KIR3DL1: variants seen among roughly 807,000 people sequenced by gnomAD.
The protein encoded by KIR3DL1 is killer cell immunoglobulin like receptor, three Ig domains and long cytoplasmic tail 1, also known as killer cell immunoglobulin-like receptor 3DL1.
KIR3DL1 carries 50 observed loss-of-function variants against 40.3 expected under a neutral mutation model. The observed-to-expected ratio is 1.24, with a 90% confidence interval of 0.99 to 1.57. KIR3DL1 has a LOEUF of 1.57. Among genes scored for constraint, KIR3DL1 ranks in the 40% most tolerant of loss-of-function variants. KIR3DL1 has a pLI of 0.00. For missense variants in KIR3DL1, 661 were observed against 559.9 expected, an observed-to-expected ratio of 1.18 and a Z score of -1.82; for synonymous variants, 257 against 207.2, an observed-to-expected ratio of 1.24 and a Z score of -2.07.
rs2061416383 is a variant in KIR3DL1, at chr19:54,817,604, C to G, written c.70+35C>G. ...TCCCCAAACCTTAGGGTGTCATCTC[C>G]CCACATAAGAGGATTTTCCTGAAAT... On this transcript the variant is annotated intron_variant, in intron 2 of 8. Coordinates refer to ENST00000391728, the Ensembl canonical transcript of KIR3DL1. 3 of 1,471,854 alleles carry G rather than the reference C, an allele frequency of 2.0e-6. 1 individual carries two copies. The highest frequency in any genetic ancestry group is 2.8e-6 in the Non-Finnish European group (3 of 1,080,044). The allele number at this position is 1,471,854 out of a possible 1,614,324, so 91.2% of individuals were successfully genotyped here.
chr19:54,830,300 G>A lies in KIR3DL1; in HGVS notation c.*25G>A, dbSNP rs368328095. On this transcript the variant is annotated 3_prime_UTR_variant, in exon 9 of 9. Transcript: ENST00000391728. ...AGCACCACAGTCAGGCCTTGAGGAC[G>A]TCTTCTAGGGAGACAACAGCCCTGT... 128 of 1,489,948 alleles carry A rather than the reference G, an allele frequency of 8.6e-5. 12 individuals are homozygous for A. The African/African-American group carries it at 1.6e-3, about 19-fold the overall frequency. 92.3% of individuals were successfully genotyped at this position (1,489,948 alleles called of 1,614,324 possible). A position where few individuals can be genotyped will look rare whatever the true frequency, so the allele number is the denominator to read the frequency against.
At position 54,818,467 on chromosome 19, in the gene KIR3DL1, A is replaced by C. The variant is rs1049150; in HGVS notation, c.223A>C (p.Ile75Leu). Residue 75 changes from isoleucine to leucine, a missense_variant, in exon 3 of 9, where the codon ATA (isoleucine) becomes CTA (leucine). Physicochemically the swap from Ile to Leu is conservative, Grantham distance 5 (BLOSUM62 2). This residue lies in a region of KIR3DL1 where 548 missense variants were observed against 413.3 expected (regional missense o/e 1.33). Coordinates refer to ENST00000391728, the Ensembl canonical transcript of KIR3DL1. ...CCACATTCCCATCTTCCATGGCAGA[A>C]TATTCCAGGAGAGCTTCAACATGAG... 9 of 1,605,620 alleles carry C rather than the reference A, an allele frequency of 5.6e-6. 2 individuals carry two copies. The South Asian group carries it at 7.7e-5, about 14-fold the overall frequency.
chr19:54,822,653 T>C (rs1222444844), intron 5 of KIR3DL1, among the ~76,000 whole-genome samples: 3 of 150,754 alleles, frequency 2.0e-5, no homozygotes, highest in African/African-American at 7.4e-5. Context: ...ATCTATATTC[T>C]TTTTTTTGTT....
chr19:54,826,682 A>G (rs1486259653), intron 6 of KIR3DL1, among the ~76,000 whole-genome samples: 1 of 150,302 alleles, frequency 6.7e-6, no homozygotes, highest in Non-Finnish European at 1.5e-5. Context: ...AGAAGGTCTC[A>G]CTAATCAGAT....
intron 6 of KIR3DL1, among the ~76,000 whole-genome samples, chr19:54,826,953 G>C (rs1322152685): frequency 1.3e-5 from 2 of 150,910 alleles, no homozygotes; most frequent in African/African-American, 2.4e-5. Context: ...GATTCACCTC[G>C]GGGTAGCCAG....
At chr19:54,818,160 G>T (rs1388205563) in intron 2 of KIR3DL1, among the ~76,000 whole-genome samples, 155 bp from the exon 3 acceptor site, 1 of 141,114 alleles carries the variant, frequency 7.1e-6, no homozygotes, top group Non-Finnish European at 1.5e-5. Context: ...GTAGGGAGAC[G>T]CCAAGTCTAT....
At chr19:54,819,414 T>C (rs2061517780) in intron 3 of KIR3DL1, among the ~76,000 whole-genome samples, 1 of 135,766 alleles carries the variant, frequency 7.4e-6, no homozygotes, top group Admixed American at 7.8e-5. Context: ...CCTGTCCTCT[T>C]CCACCCCCAC....
exon 3 of KIR3DL1, chr19:54,818,401 C>A (rs770345968): frequency 5.0e-6 from 8 of 1,607,532 alleles, no homozygotes; most frequent in Non-Finnish European, 1.7e-6. Flanking sequence ...TCACTATCGT[C>A]ATAGGTTTAA....
chr19:54,818,525 CAT>C lies in KIR3DL1; in HGVS notation c.282_283del (p.Cys95SerfsTer56), dbSNP rs1343742446. 4 of 1,611,624 alleles carry C rather than the reference CAT, an allele frequency of 2.5e-6. No homozygotes were observed. The Admixed American group carries it at 6.7e-5, about 27-fold the overall frequency. On this transcript the variant is annotated frameshift_variant, in exon 3 of 9. Coordinates refer to ENST00000391728, the Ensembl canonical transcript of KIR3DL1. LOFTEE classifies it high-confidence loss of function. ...ACCACAGCACATGCAGGGAACTACA[CAT>C]GTCGGGGTTCACACCCACACTCCCC...
At chr19:54,822,531 G>C (rs2061691455) in intron 5 of KIR3DL1, among the ~76,000 whole-genome samples, 1 of 150,018 alleles carries the variant, frequency 6.7e-6, no homozygotes, top group African/African-American at 2.5e-5. Flanking sequence ...GGGAGGCTGA[G>C]GCAGGAGAAG....
intron 1 of KIR3DL1, 108 bp from the exon 2 acceptor site, chr19:54,817,426 C>A: frequency 1.0e-6 from 1 of 969,154 alleles, no homozygotes; most frequent in Admixed American, 1.8e-5. Flanking sequence ...GGTGAGTTTA[C>A]CTTCAGCCCA....
rs1171787676 is a variant in KIR3DL1, at chr19:54,825,202, C to T, written c.1000+124C>T. The T allele has an allele frequency of 2.5e-5, 19 of 751,878 alleles. 1 individual carries two copies. In the African/African-American group the frequency reaches 3.4e-4, roughly 13 times the overall value. 46.6% of individuals were successfully genotyped at this position (751,878 alleles called of 1,614,324 possible). A position where few individuals can be genotyped will look rare whatever the true frequency, so the allele number is the denominator to read the frequency against. On this transcript the variant is annotated intron_variant, in intron 6 of 8. Coordinates refer to ENST00000391728, the Ensembl canonical transcript of KIR3DL1. ...GGGCCTGTCTTCCACCATCTCTGAA[C>T]TCCAGACACTCCAACAGTGAAAGGG...
chr19:54,829,132 G>A lies in KIR3DL1; in HGVS notation c.1001-229G>A, dbSNP rs1360755210. ...ACTGGGGGTTAAATTTCAATGTGAG[G>A]TTTGAAGGGGTCAAACATCTCAACT... is the stretch of plus-strand genomic sequence containing the variant. On this transcript the variant is annotated intron_variant, in intron 6 of 8. Transcript: ENST00000391728. 2.1e-5 allele frequency among the ~76,000 whole-genome samples: 3 copies of A among 144,942 alleles called. 1 individual carries two copies. The highest frequency in any genetic ancestry group is 4.6e-5 in the Non-Finnish European group (3 of 65,780).
intron 6 of KIR3DL1, among the ~76,000 whole-genome samples, chr19:54,826,396 C>T (rs1314821404): frequency 1.3e-5 from 2 of 149,298 alleles, no homozygotes; most frequent in Non-Finnish European, 3.0e-5. Context: ...CTCACTGCAA[C>T]CTGCGTCTCC....
chr19:54,823,124 T>G (rs986192301), intron 5 of KIR3DL1, among the ~76,000 whole-genome samples: 5 of 150,742 alleles, frequency 3.3e-5, no homozygotes, highest in African/African-American at 1.2e-4. Context: ...AACCTGTGCC[T>G]CCTAGGTTCA....
At chr19:54,817,470 TG>T in intron 1 of KIR3DL1, 63 bp from the exon 2 acceptor site, 1 of 1,321,156 alleles carries the variant, frequency 7.6e-7, no homozygotes, top group Non-Finnish European at 1.1e-6. Flanking sequence ...CACAGCCCAG[TG>T]GGGGCAGCAG....
chr19:54,823,043 T>A (rs2061715843), intron 5 of KIR3DL1, among the ~76,000 whole-genome samples: 1 of 146,290 alleles, frequency 6.8e-6, no homozygotes, highest in Non-Finnish European at 1.5e-5. Context: ...TTTTTTTTTT[T>A]TCTTTTTTGA....
chr19:54,816,526 C>G, exon 1 of KIR3DL1: 2 of 1,607,818 alleles, frequency 1.2e-6, no homozygotes, highest in Non-Finnish European at 1.7e-6. Context: ...GTCAGCATGG[C>G]GTGTGTTGGT....
intron 8 of KIR3DL1, 39 bp from the exon 9 acceptor site, chr19:54,830,060 A>G: frequency 1.3e-6 from 2 of 1,520,836 alleles, no homozygotes; most frequent in Non-Finnish European, 1.8e-6. Flanking sequence ...TCCCTCACTC[A>G]GCATTTCCCT....
Sources: allele counts gnomAD v4.1 joint callset (sites outside exome capture counted in the v4.1 genomes callset), GRCh38; gene constraint gnomAD v4.1.1; regional missense constraint gnomAD v4.1.1; transcripts MANE v1.5; gene names NCBI Gene and HGNC (gene_info 2026-07-23, HGNC 2026-07-21).